EBF1: variants seen among roughly 807,000 people sequenced by gnomAD.
EBF1 encodes the protein transcription factor COE1.
In EBF1, 10 loss-of-function variants were observed where a neutral mutation model predicts 68.4. The observed-to-expected ratio is 0.15, with a 90% CI of 0.09 to 0.25. The LOEUF is 0.25. Among genes scored for constraint, EBF1 ranks in the 10% least tolerant of loss-of-function variants. The pLI is 1.00. For missense variants in EBF1, 509 were observed against 794.4 expected (o/e 0.64, Z 4.32); for synonymous variants, 298 against 299.8 (o/e 0.99, Z 0.06).
rs117724254 is a variant in EBF1 at position 158,759,194 on chromosome 5, C to T, written c.1036+18219G>A. ...ATGTGGATAAAGAAGGAGGGGTGTG[C>T]TTTGCAGTTTATTGAAAGCTATTTT... On this transcript the variant is annotated intron_variant, in intron 10 of 15. Coordinates refer to ENST00000313708, the MANE Select transcript of EBF1 (RefSeq NM_024007.5). Among the ~76,000 whole-genome samples, 6 of 152,258 alleles carry T rather than the reference C, an allele frequency of 3.9e-5. No homozygotes were observed. The East Asian group carries it at 7.7e-4, about 20-fold the overall frequency.
intron 6 of EBF1, among the ~76,000 whole-genome samples, chr5:158,896,455 T>G (rs1311951554): frequency 6.6e-6 from 1 of 152,232 alleles, no homozygotes; most frequent in Non-Finnish European, 1.5e-5. Flanking sequence ...AGACCTGTAA[T>G]GTACTACATG....
chr5:158,705,928 T>G (rs17706568), intron 15 of EBF1, among the ~76,000 whole-genome samples: 21,957 of 152,286 alleles, frequency 0.14, 1,675 homozygotes, highest in Admixed American at 0.16. Context: ...GTCAAATCTA[T>G]GTTTAGCAAG....
At chr5:159,046,623 T>G (rs540325628) in intron 6 of EBF1, among the ~76,000 whole-genome samples, 1 of 152,240 alleles carries the variant, frequency 6.6e-6, no homozygotes, top group East Asian at 1.9e-4. Flanking sequence ...AACAGGTGCT[T>G]ATTGAGTTGT....
intron 6 of EBF1, among the ~76,000 whole-genome samples, chr5:159,027,645 C>T (rs918700231): frequency 6.6e-6 from 1 of 152,230 alleles, no homozygotes; most frequent in South Asian, 2.1e-4. Context: ...CTTCAGATCA[C>T]ACTATCCCAA....
At chr5:159,095,763 C>T in intron 3 of EBF1, 88 bp from the exon 4 acceptor site, 1 of 1,385,456 alleles carries the variant, frequency 7.2e-7, no homozygotes. Flanking sequence ...CAAAAAATAA[C>T]AACAAAACCC....
chr5:158,796,918 A>C (rs1276227881), intron 8 of EBF1, among the ~76,000 whole-genome samples: 1 of 152,212 alleles, frequency 6.6e-6, no homozygotes, highest in Non-Finnish European at 1.5e-5. Context: ...ACTAAGAAAG[A>C]GAGGAGCCTG....
intron 6 of EBF1, among the ~76,000 whole-genome samples, chr5:159,044,212 G>T (rs907511800): frequency 1.3e-5 from 2 of 152,306 alleles, no homozygotes; most frequent in Non-Finnish European, 2.9e-5. Context: ...TTTGTTAAGA[G>T]AAATTTAATT....
At chr5:158,852,283 T>C (rs1470983906) in intron 6 of EBF1, among the ~76,000 whole-genome samples, 1 of 152,066 alleles carries the variant, frequency 6.6e-6, no homozygotes, top group Non-Finnish European at 1.5e-5. Context: ...TGAAACTATT[T>C]TAAATAATCA....
intron 9 of EBF1, among the ~76,000 whole-genome samples, chr5:158,790,703 G>C (rs1350443825): frequency 6.6e-6 from 1 of 152,088 alleles, no homozygotes; most frequent in Non-Finnish European, 1.5e-5. Context: ...ATATCCTGAA[G>C]AACTAGTCTT....
chr5:158,919,236 ATT>A (rs35011952), intron 6 of EBF1, among the ~76,000 whole-genome samples: 138 of 146,252 alleles, frequency 9.4e-4, no homozygotes, highest in Non-Finnish European at 1.5e-3. Context: ...TGAAATTAAG[ATT>A]TTTTTTTTTT....
At chr5:158,788,643 A>G (rs1200448382) in intron 9 of EBF1, among the ~76,000 whole-genome samples, 2 of 152,192 alleles carry the variant, frequency 1.3e-5, no homozygotes, top group Non-Finnish European at 2.9e-5. Flanking sequence ...GGAATACAGC[A>G]CTATCTAGAT....
chr5:158,753,530 A>G (rs1013025347), intron 10 of EBF1, among the ~76,000 whole-genome samples: 1 of 152,070 alleles, frequency 6.6e-6, no homozygotes, highest in Non-Finnish European at 1.5e-5. Flanking sequence ...AAAGGCAGGA[A>G]CCCCATGAAG....
At chr5:159,052,269 ACCT>A (rs1486426464) in intron 6 of EBF1, among the ~76,000 whole-genome samples, 2 of 150,022 alleles carry the variant, frequency 1.3e-5, no homozygotes, top group South Asian at 2.2e-4. Flanking sequence ...GCCACAGAAA[ACCT>A]CCTATCTCAA....
intron 4 of EBF1, among the ~76,000 whole-genome samples, chr5:159,089,562 A>C (rs779690018): frequency 6.6e-6 from 1 of 152,168 alleles, no homozygotes; most frequent in Admixed American, 6.5e-5. Flanking sequence ...CAAAGGAAAT[A>C]CAGAGAATTG....
intron 6 of EBF1, among the ~76,000 whole-genome samples, chr5:159,000,583 C>G (rs945974172): frequency 6.6e-6 from 1 of 152,142 alleles, no homozygotes; most frequent in African/African-American, 2.4e-5. Context: ...CTATTGACAG[C>G]AGGTGTTGCC....
chr5:158,752,649 T>A (rs1055864245), intron 10 of EBF1, among the ~76,000 whole-genome samples: 1 of 152,146 alleles, frequency 6.6e-6, no homozygotes, highest in Non-Finnish European at 1.5e-5. Context: ...TACTGTCCAT[T>A]GTTTTCTATA....
intron 10 of EBF1, among the ~76,000 whole-genome samples, chr5:158,732,313 A>C (rs554080114): frequency 2.6e-5 from 4 of 152,206 alleles, no homozygotes; most frequent in Non-Finnish European, 4.4e-5. Flanking sequence ...TACTAGTACT[A>C]ACTTTAAAAA....
chr5:158,747,535 C>G (rs902450886), intron 10 of EBF1, among the ~76,000 whole-genome samples: 3 of 152,134 alleles, frequency 2.0e-5, no homozygotes, highest in African/African-American at 7.2e-5. Context: ...AATAGACCTG[C>G]CACTTTATAA....
intron 6 of EBF1, among the ~76,000 whole-genome samples, chr5:159,049,449 T>C (rs892630764): frequency 6.6e-6 from 1 of 152,180 alleles, no homozygotes; most frequent in Non-Finnish European, 1.5e-5. Flanking sequence ...CTCAAAATGT[T>C]TGAGTCTTGA....
Sources: gnomAD v4.1 joint callset for allele counts (sites outside exome capture counted in the v4.1 genomes callset) on GRCh38, gnomAD v4.1.1 for gene constraint, MANE v1.5 for transcripts, NCBI Gene and HGNC (gene_info 2026-07-23, HGNC 2026-07-21) for gene names.